Variants in RDX observed in about 807,000 individuals in gnomAD.
RDX encodes radixin, also known as deafness, autosomal recessive 24.
Under a neutral mutation model 83.7 loss-of-function variants are expected in RDX, and 32 were observed. The observed-to-expected ratio is 0.38, with a 90% CI of 0.29 to 0.51. RDX has a LOEUF of 0.51. Ranked by LOEUF, RDX falls within the 20% of genes least tolerant of loss-of-function variation. The pLI, the probability that RDX is intolerant of heterozygous loss-of-function variation, is 0.87. For synonymous variants in RDX, 229 were observed against 222.7 expected, an observed-to-expected ratio of 1.03 and a Z score of -0.25; for missense variants, 600 against 689.9, an observed-to-expected ratio of 0.87 and a Z score of 1.46.
intron 12 of RDX, among the ~76,000 whole-genome samples, chr11:110,234,898 T>C (rs532633080): frequency 5.1e-4 from 78 of 152,342 alleles, no homozygotes; most frequent in African/African-American, 1.9e-3. Context: ...CTAAATATCA[T>C]CTTTGGGGGT....
At chr11:110,239,160 T>A (rs1423145574) in intron 10 of RDX, among the ~76,000 whole-genome samples, 1 of 149,974 alleles carries the variant, frequency 6.7e-6, no homozygotes, top group Non-Finnish European at 1.5e-5. Context: ...TATTTATATA[T>A]AACAACAGTA....
At chr11:110,236,470 T>TA (rs1396758255) in intron 11 of RDX, 1 of 338,890 alleles carries the variant, frequency 3.0e-6, no homozygotes, top group Non-Finnish European at 5.4e-6. Flanking sequence ...AAAGCTTTTT[T>TA]AAAAAATTTC....
intron 14 of RDX, among the ~76,000 whole-genome samples, chr11:110,203,218 T>C (rs1252107198): frequency 6.6e-6 from 1 of 152,098 alleles, no homozygotes; most frequent in African/African-American, 2.4e-5. Context: ...ACTACATGGA[T>C]GGAACTGGAG....
At chr11:110,208,996 G>A (rs887459550) in intron 14 of RDX, among the ~76,000 whole-genome samples, 10 of 152,144 alleles carry the variant, frequency 6.6e-5, no homozygotes, top group African/African-American at 2.4e-4. Flanking sequence ...GAAGATGGCC[G>A]AATAGGAACA....
At chr11:110,285,520 C>T (rs1040982336) in intron 1 of RDX, among the ~76,000 whole-genome samples, 1 of 151,898 alleles carries the variant, frequency 6.6e-6, no homozygotes, top group African/African-American at 2.4e-5. Flanking sequence ...TCGAGACCAT[C>T]CTGGGCAACA....
chr11:110,280,451 T>C (rs1419664376), intron 1 of RDX, among the ~76,000 whole-genome samples: 1 of 152,202 alleles, frequency 6.6e-6, no homozygotes, highest in East Asian at 1.9e-4. Flanking sequence ...GGTTGCCCTA[T>C]GTTGCTCAAG....
chr11:110,223,434 C>T (rs1864323273), intron 14 of RDX, among the ~76,000 whole-genome samples: 1 of 151,956 alleles, frequency 6.6e-6, no homozygotes, highest in Admixed American at 6.6e-5. Flanking sequence ...GAAGCTAAGG[C>T]AGGAGAATCG....
At chr11:110,295,212 T>C (rs1861396923) in intron 1 of RDX, among the ~76,000 whole-genome samples, 1 of 151,848 alleles carries the variant, frequency 6.6e-6, no homozygotes, top group South Asian at 2.1e-4. Context: ...GATGCTGTTT[T>C]GGCAAATGGA....
chr11:110,271,683 T>TA (rs1313548535), intron 3 of RDX, among the ~76,000 whole-genome samples: 1 of 152,096 alleles, frequency 6.6e-6, no homozygotes, highest in Non-Finnish European at 1.5e-5. Context: ...CACAGGTGAC[T>TA]AATACGCACT....
At chr11:110,269,183 T>C (rs1206204394) in intron 3 of RDX, among the ~76,000 whole-genome samples, 1 of 152,018 alleles carries the variant, frequency 6.6e-6, no homozygotes, top group Non-Finnish European at 1.5e-5. Flanking sequence ...AGTAAAAATA[T>C]GGTATTACAC....
intron 15 of RDX, chr11:110,179,897 T>C (rs1045271884): frequency 2.8e-5 from 11 of 386,868 alleles, no homozygotes; most frequent in South Asian, 3.5e-5. Flanking sequence ...TTTCTTTTTC[T>C]TTTTTCTTTT....
At position 110,257,868 on chromosome 11, in the gene RDX, T is replaced by C. The variant is rs1024906731; in HGVS notation, c.597A>G (p.Glu199=). The change falls in exon 7 of 14, where the codon GAA becomes GAG. Residue 199 remains glutamate (E), a synonymous_variant. Transcript: ENST00000645495. ...MEYLKIAQDL[E]MYGVNYFEIK... Reference sequence around the variant, plus strand: ...TTTCAAAATAGTTGACTCCATACATTTCTAGATCTTGTGCAATCTTCAGGT... The same window carrying C: ...TTTCAAAATAGTTGACTCCATACATCTCTAGATCTTGTGCAATCTTCAGGT... 5.0e-6 allele frequency: 8 copies of C among 1,612,540 alleles called. No homozygotes were observed. Among genetic ancestry groups the C allele is most frequent in the Non-Finnish European group, 5.9e-6 (7 of 1,178,844 alleles).
intron 15 of RDX, chr11:110,179,905 T>TTTC: frequency 3.4e-6 from 1 of 293,722 alleles, no homozygotes; most frequent in African/African-American, 2.5e-5. Context: ...TCTTTTTTCT[T>TTTC]TTTTTTTTTT....
At chr11:110,294,560 T>C (rs1852739082) in intron 1 of RDX, among the ~76,000 whole-genome samples, 1 of 152,146 alleles carries the variant, frequency 6.6e-6, no homozygotes, top group African/African-American at 2.4e-5. Context: ...AATCCAATTC[T>C]GCTTTTGGGA....
intron 14 of RDX, among the ~76,000 whole-genome samples, chr11:110,206,703 A>T (rs1863618364): frequency 6.6e-6 from 1 of 152,196 alleles, no homozygotes; most frequent in African/African-American, 2.4e-5. Flanking sequence ...TAAGTGTTTA[A>T]AAACAGAAAG....
Position 110,265,021 on chromosome 11 carries a change from T to C in RDX, c.97-147A>G. On this transcript the variant is annotated intron_variant, in intron 3 of 13. Coordinates refer to ENST00000645495, the MANE Select transcript of RDX (RefSeq NM_002906.4). ...GAAAAGGCTTTCCCTAAATTTAAGA[T>C]ATTAAAGGAACATTTTTGAAAACTC... 6.2e-6 allele frequency: 3 copies of C among 480,146 alleles called. No homozygotes were observed. In the South Asian group the frequency reaches 1.2e-4, roughly 19 times the overall value. The allele number at this position is 480,146 out of a possible 1,614,324, so 29.7% of individuals were successfully genotyped here. A position where few individuals can be genotyped will look rare whatever the true frequency, so the allele number is the denominator to read the frequency against.
intron 1 of RDX, among the ~76,000 whole-genome samples, chr11:110,291,629 A>AC (rs1861248682): frequency 6.6e-6 from 1 of 152,072 alleles, no homozygotes; most frequent in Admixed American, 6.6e-5. Context: ...CTCAAGTGAT[A>AC]CCCCAACCTC....
At chr11:110,221,269 C>CT (rs1864236857) in intron 14 of RDX, among the ~76,000 whole-genome samples, 1 of 152,082 alleles carries the variant, frequency 6.6e-6, no homozygotes, top group African/African-American at 2.4e-5. Context: ...GCTGTACCCC[C>CT]CCCAAAATAC....
chr11:110,247,916 G>C, intron 9 of RDX, 83 bp from the exon 10 acceptor site: 1 of 1,467,276 alleles, frequency 6.8e-7, no homozygotes, highest in Non-Finnish European at 9.2e-7. Context: ...GCCATAAAAA[G>C]TAACAAAATA....
Sources: allele counts gnomAD v4.1 joint callset (sites outside exome capture counted in the v4.1 genomes callset), GRCh38; gene constraint gnomAD v4.1.1; transcripts MANE v1.5; gene names NCBI Gene and HGNC (gene_info 2026-07-23, HGNC 2026-07-21).